The following SLC22A23 variants were observed in gnomAD, a reference collection of about 807,000 sequenced individuals.
SLC22A23 encodes the protein solute carrier family 22 member 23.
In SLC22A23, 26 loss-of-function variants were observed where a neutral mutation model predicts 61.0. The ratio of observed to expected loss-of-function variants is 0.43; its 90% CI spans 0.31 to 0.59. The LOEUF is 0.59. Among genes scored for constraint, SLC22A23 ranks in the 20% least tolerant of loss-of-function variants. SLC22A23 has a pLI of 0.11. For missense variants in SLC22A23, 796 were observed against 934.7 expected, an observed-to-expected ratio of 0.85 and a Z score of 1.94; for synonymous variants, 430 against 413.9, an observed-to-expected ratio of 1.04 and a Z score of -0.47.
intron 4 of SLC22A23, among the ~76,000 whole-genome samples, chr6:3,307,738 T>TAA (rs112681814): frequency 7.2e-5 from 11 of 152,344 alleles, no homozygotes; most frequent in African/African-American, 2.4e-4. Flanking sequence ...GTCGGTGAGT[T>TAA]ACAGTGGAGG....
At chr6:3,326,081 G>A (rs1018149534) in intron 3 of SLC22A23, among the ~76,000 whole-genome samples, 7 of 152,186 alleles carry the variant, frequency 4.6e-5, no homozygotes, top group African/African-American at 1.4e-4. Flanking sequence ...TCACACAAGG[G>A]ATCATGAGGC....
In SLC22A23 at chr6:3,454,500, A is replaced by G. The variant is rs1772297922; in HGVS notation, c.654+1406T>C. Among the ~76,000 whole-genome samples the G allele has an allele frequency of 1.3e-5, 2 of 152,216 alleles. No individual in the cohort carries two copies. Among genetic ancestry groups the G allele is most frequent in the African/African-American group, 4.8e-5 (2 of 41,458 alleles). ...CTTGAAATACTTAACAATGTTGCCA[A>G]ATCCTCAGTCTGTCAGACATACACA... On this transcript the variant is annotated intron_variant, in intron 1 of 9. Transcript: ENST00000406686. The surrounding 1 kb of genome is among the most constrained non-coding windows in gnomAD (Gnocchi z 4.3).
At chr6:3,357,483 G>C (rs1765187081) in intron 3 of SLC22A23, among the ~76,000 whole-genome samples, 1 of 152,168 alleles carries the variant, frequency 6.6e-6, no homozygotes, top group Admixed American at 6.5e-5. Flanking sequence ...GGTCTTAAAT[G>C]ATTTCCAAAA....
At chr6:3,404,170 A>G (rs931389483) in intron 3 of SLC22A23, among the ~76,000 whole-genome samples, 1 of 152,206 alleles carries the variant, frequency 6.6e-6, no homozygotes, top group African/African-American at 2.4e-5. Flanking sequence ...AAATGCCCAG[A>G]TATCTCCGAG....
At position 3,330,733 on chromosome 6, in the gene SLC22A23, G is replaced by A. The variant is rs189489166; in HGVS notation, c.914-6731C>T. On this transcript the variant is annotated intron_variant, in intron 3 of 9. Coordinates refer to ENST00000406686, the MANE Select transcript of SLC22A23 (RefSeq NM_015482.2). This position sits in a 1 kb window ranked among gnomAD's most constrained non-coding sequence, Gnocchi z 4.7. ...ATTACAGCTCTACATCTCCCCTTCC[G>A]CGTGGAAGGCGTCCTCTTTCCTCTT... 4.6e-5 allele frequency among the ~76,000 whole-genome samples: 7 copies of A among 152,262 alleles called. No individual in the cohort carries two copies. The highest frequency in any genetic ancestry group is 1.9e-4 in the East Asian group (1 of 5,186).
intron 5 of SLC22A23, chr6:3,291,236 G>A (rs1211636166): frequency 6.6e-6 from 1 of 152,098 alleles, no homozygotes; most frequent in Non-Finnish European, 1.5e-5. Context: ...CTGTGCTTCC[G>A]AGGGCCACTC....
chr6:3,342,434 G>A lies in SLC22A23; in HGVS notation c.914-18432C>T, dbSNP rs1364016255. On this transcript the variant is annotated intron_variant, in intron 3 of 9. Coordinates refer to ENST00000406686, the MANE Select transcript of SLC22A23 (RefSeq NM_015482.2). This position sits in a 1 kb window ranked among gnomAD's most constrained non-coding sequence, Gnocchi z 4.0. Reference sequence around the variant, plus strand: ...TGGAAGTGAGGCCACTAGGGTTCACGGCTCACCTCCTTTGAAACACACACA... The same window carrying A: ...TGGAAGTGAGGCCACTAGGGTTCACAGCTCACCTCCTTTGAAACACACACA... 1.3e-5 allele frequency among the ~76,000 whole-genome samples: 2 copies of A among 152,122 alleles called. No homozygotes were observed. Among genetic ancestry groups the A allele is most frequent in the Admixed American group, 6.5e-5 (1 of 15,274 alleles).
chr6:3,359,006 T>C (rs768389979), intron 3 of SLC22A23, among the ~76,000 whole-genome samples: 4 of 152,168 alleles, frequency 2.6e-5, no homozygotes, highest in Non-Finnish European at 5.9e-5. Flanking sequence ...GCTGTGCCGA[T>C]GTCTAATCAA....
At chr6:3,364,599 G>A (rs1765683863) in intron 3 of SLC22A23, among the ~76,000 whole-genome samples, 1 of 152,222 alleles carries the variant, frequency 6.6e-6, no homozygotes, top group African/African-American at 2.4e-5. Context: ...GAGGGCATTG[G>A]GAAGTGATCC....
At position 3,322,802 on chromosome 6, in the gene SLC22A23, A is replaced by T. The variant is rs1428285221; in HGVS notation, c.1082+1032T>A. On this transcript the variant is annotated intron_variant, in intron 4 of 9. Coordinates refer to ENST00000406686, the MANE Select transcript of SLC22A23 (RefSeq NM_015482.2). This position sits in a 1 kb window ranked among gnomAD's most constrained non-coding sequence, Gnocchi z 4.1. ...GGAAGCTCAGCTCCAGTGAACCCTT[A>T]AAGCAAGGACAAGACTGACTGCACG... is the stretch of plus-strand genomic sequence containing the variant. Among the ~76,000 whole-genome samples, 1 of 152,204 alleles carries T rather than the reference A, an allele frequency of 6.6e-6. No individual in the cohort carries two copies. Among genetic ancestry groups the T allele is most frequent in the African/African-American group, 2.4e-5 (1 of 41,442 alleles).
Position 3,269,532 on chromosome 6 carries a change from AC to A in SLC22A23, c.*3522del, listed in dbSNP as rs1758340192. The A allele has an allele frequency of 6.5e-6, 1 of 152,854 alleles. No homozygotes were observed. Among genetic ancestry groups the A allele is most frequent in the South Asian group, 2.1e-4 (1 of 4,836 alleles). The allele number at this position is 152,854 out of a possible 1,614,324, so 9.5% of individuals were successfully genotyped here. On this transcript the variant is annotated 3_prime_UTR_variant, in exon 10 of 10. Transcript: ENST00000406686. ...TCCCCAAAGGTACAACAGATGCGAC[AC>A]CATGCAGACACGCAGCTGTGAACGA...
At chr6:3,332,370 T>C (rs1763628202) in intron 3 of SLC22A23, among the ~76,000 whole-genome samples, 1 of 146,930 alleles carries the variant, frequency 6.8e-6, no homozygotes, top group Admixed American at 6.7e-5. Context: ...AAATATATTT[T>C]ACTCTTTGGC....
At chr6:3,381,641 C>A (rs2127475116) in intron 3 of SLC22A23, among the ~76,000 whole-genome samples, 1 of 152,332 alleles carries the variant, frequency 6.6e-6, no homozygotes, top group South Asian at 2.1e-4. Context: ...GGCCCAGCGC[C>A]CTGCCTTCTC....
intron 1 of SLC22A23, among the ~76,000 whole-genome samples, chr6:3,447,916 T>G (rs1771986257): frequency 7.1e-6 from 1 of 140,202 alleles, no homozygotes; most frequent in South Asian, 2.4e-4. Context: ...TTTTTTTTTT[T>G]GAGATAGATG....
At chr6:3,448,684 C>T (rs1201309497) in intron 1 of SLC22A23, among the ~76,000 whole-genome samples, 1 of 152,238 alleles carries the variant, frequency 6.6e-6, no homozygotes, top group South Asian at 2.1e-4. Context: ...TTAGTAGAGA[C>T]GGGGTTTCAC....
intron 3 of SLC22A23, among the ~76,000 whole-genome samples, chr6:3,389,533 T>G (rs1581800142): frequency 6.6e-6 from 1 of 151,738 alleles, no homozygotes; most frequent in African/African-American, 2.4e-5. Flanking sequence ...AGCAGGGAGG[T>G]GGGGCGAGGA....
intron 3 of SLC22A23, among the ~76,000 whole-genome samples, chr6:3,400,127 C>T (rs887409317): frequency 6.6e-6 from 1 of 152,234 alleles, no homozygotes; most frequent in African/African-American, 2.4e-5. Context: ...ATCCACCCGC[C>T]TCGGCCTCCC....
intron 3 of SLC22A23, among the ~76,000 whole-genome samples, chr6:3,370,888 G>C (rs1464899993): frequency 1.3e-5 from 2 of 152,198 alleles, no homozygotes; most frequent in Non-Finnish European, 2.9e-5. Context: ...TTACCACTCA[G>C]CTGCTCCCAG....
Position 3,342,746 on chromosome 6 carries a change from T to C in SLC22A23, c.914-18744A>G, listed in dbSNP as rs1764219260. Among the ~76,000 whole-genome samples, 1 of 152,118 alleles carries C rather than the reference T, an allele frequency of 6.6e-6. No individual in the cohort carries two copies. The highest frequency in any genetic ancestry group is 1.5e-5 in the Non-Finnish European group (1 of 67,996). On this transcript the variant is annotated intron_variant, in intron 3 of 9. Transcript: ENST00000406686. The surrounding 1 kb of genome is among the most constrained non-coding windows in gnomAD (Gnocchi z 4.0). ...CACATTAGTGCTGGGGATGAAAACC[T>C]TTTCCTCCACCCTCCTAGGGTCAGT...
Sources: allele counts gnomAD v4.1 joint callset (sites outside exome capture counted in the v4.1 genomes callset), GRCh38; gene constraint gnomAD v4.1.1; non-coding constraint Gnocchi (gnomAD v3.1); transcripts MANE v1.5; gene names NCBI Gene and HGNC (gene_info 2026-07-23, HGNC 2026-07-21).